Variants in SHANK1 observed in about 807,000 individuals in gnomAD.
SHANK1 encodes the protein SH3 and multiple ankyrin repeat domains protein 1.
A neutral mutation model predicts 165.6 loss-of-function variants in SHANK1; 35 were observed. That is an observed-to-expected ratio of 0.21 (90% CI 0.16 to 0.28). The LOEUF (loss-of-function observed/expected upper bound fraction) is 0.28, where lower values mean the gene tolerates loss of function less well. SHANK1 is among the 10% of genes least tolerant of loss of function. The probability of loss-of-function intolerance (pLI) is 1.00; values close to 1 mark genes in which losing one functional copy is unlikely to be tolerated. For missense variants in SHANK1, 2,681 were observed against 3,036.4 expected, an observed-to-expected ratio of 0.88 and a Z score of 2.75; for synonymous variants, 1,428 against 1,384.8, an observed-to-expected ratio of 1.03 and a Z score of -0.69.
intron 21 of SHANK1, among the ~76,000 whole-genome samples, chr19:50,681,862 C>A (rs1344219760): frequency 1.3e-5 from 2 of 152,084 alleles, no homozygotes; most frequent in Non-Finnish European, 2.9e-5. Flanking sequence ...GCTTTGACCT[C>A]CCTTGCTCGA....
At chr19:50,692,162 G>C (rs551585318) in intron 15 of SHANK1, among the ~76,000 whole-genome samples, 1 of 152,004 alleles carries the variant, frequency 6.6e-6, no homozygotes, top group Non-Finnish European at 1.5e-5. Flanking sequence ...CCATCTGCTC[G>C]GAATCCACCC....
Position 50,661,559 on chromosome 19 carries a change from G to C in SHANK1, c.*406C>G, listed in dbSNP as rs982512757. 1.3e-5 allele frequency among the ~76,000 whole-genome samples: 2 copies of C among 151,866 alleles called. No homozygotes were observed. The highest frequency in any genetic ancestry group is 4.8e-5 in the African/African-American group (2 of 41,312). On this transcript the variant is annotated 3_prime_UTR_variant, in exon 24 of 24. Coordinates refer to ENST00000293441, the MANE Select transcript of SHANK1 (RefSeq NM_016148.5). Reference sequence around the variant, plus strand: ...GAGAGTGGGAAGGGTTGTTAGAGGGGTGGCAGGTGGTGGAATCCGAGGGCA... The same window carrying C: ...GAGAGTGGGAAGGGTTGTTAGAGGGCTGGCAGGTGGTGGAATCCGAGGGCA...
At chr19:50,698,420 T>A (rs1199730993) in intron 12 of SHANK1, among the ~76,000 whole-genome samples, 2 of 152,252 alleles carry the variant, frequency 1.3e-5, no homozygotes, top group East Asian at 3.9e-4. Context: ...CCTGTCTCTG[T>A]CTCTCTCGGC....
chr19:50,688,864 T>C lies in SHANK1; in HGVS notation c.2152A>G (p.Met718Val). 2.5e-6 allele frequency: 4 copies of C among 1,603,128 alleles called. No individual in the cohort carries two copies. Among genetic ancestry groups the C allele is most frequent in the Non-Finnish European group, 3.4e-6 (4 of 1,174,920 alleles). Residue 718 changes from methionine (M) to valine (V), a missense_variant, in exon 17 of 24, where the codon ATG (methionine) becomes GTG (valine). By Grantham distance (21) the Met-to-Val change is conservative. Transcript: ENST00000293441. The surrounding 1 kb of genome is among the most constrained non-coding windows in gnomAD (Gnocchi z 6.7). ...GGVAWRAGLRMGDFLIEVNGQ... is the reference protein window; with the variant it reads ...GGVAWRAGLRVGDFLIEVNGQ... ...CTGACCTCGATGAGGAAGTCTCCCA[T>C]TCGCAGTCCAGCTCGCCATGCCACG...
At position 50,662,655 on chromosome 19, in the gene SHANK1, G is replaced by C. The variant is rs1471217789; in HGVS notation, c.5796C>G (p.Leu1932=). 6.4e-7 allele frequency: 1 copy of C among 1,565,316 alleles called. No individual in the cohort carries two copies. The highest frequency in any genetic ancestry group is 1.9e-5 in the Admixed American group (1 of 52,482). The change falls in exon 24 of 24, where the codon CTC becomes CTG. Residue 1932 remains leucine (L), a synonymous_variant. Transcript: ENST00000293441. The surrounding 1 kb of genome is among the most constrained non-coding windows in gnomAD (Gnocchi z 7.7). ...QRLSDDSQSS[L]LSKPVSSLFQ... is the part of the protein sequence containing the mutation. ...ACAGGCTGCTGACAGGCTTGGAGAG[G>C]AGTGAGGACTGGGAGTCGTCGGAGA...
rs1323252557 is a variant in SHANK1, at chr19:50,668,929, G to C, written c.3031C>G (p.Pro1011Ala). Residue 1011 changes from proline to alanine, a missense_variant, in exon 23 of 24, where the codon CCT (proline) becomes GCT (alanine). Pro to Ala is a conservative substitution (Grantham distance 27). This residue lies in a region of SHANK1 where 1,713 missense variants were observed against 1,630.2 expected (regional missense o/e 1.05). Transcript: ENST00000293441. ...TGGGCGTGGTGGTGGTGGGGCTGAG[G>C]GGGCGGGGCGTGGTGGTGGTGGTGG... ...PHHHHHHAPP[P>A]QPHHHHAHPP... 1 of 675,754 alleles carries C rather than the reference G, an allele frequency of 1.5e-6. No homozygotes were observed. Among genetic ancestry groups the C allele is most frequent in the Non-Finnish European group, 2.3e-6 (1 of 439,106 alleles). The allele number at this position is 675,754 out of a possible 1,614,324, so 41.9% of individuals were successfully genotyped here.
rs765549178 is a variant in SHANK1 at position 50,713,136 on chromosome 19, G to A, written c.792+662C>T. 6.6e-6 allele frequency among the ~76,000 whole-genome samples: 1 copy of A among 152,184 alleles called. No individual in the cohort carries two copies. The highest frequency in any genetic ancestry group is 1.5e-5 in the Non-Finnish European group (1 of 68,020). ...CGTTTAGCTGGAGCAGCTGTGCGTC[G>A]GGGTGCTTCTCAATGGCTGTCTTTG... On this transcript the variant is annotated intron_variant, in intron 6 of 23. Transcript: ENST00000293441. The surrounding 1 kb of genome is among the most constrained non-coding windows in gnomAD (Gnocchi z 6.2).
chr19:50,672,254 G>A (rs1256139653), intron 21 of SHANK1, 140 bp from the exon 22 acceptor site: 19 of 689,474 alleles, frequency 2.8e-5, no homozygotes, highest in South Asian at 2.4e-4. Context: ...GTGTGAAGAC[G>A]GTGGAAGGAG....
rs752181137 is a variant in SHANK1, at chr19:50,662,232, C to G, written c.6219G>C (p.Ser2073=). The G allele has an allele frequency of 8.1e-6, 13 of 1,609,692 alleles. No homozygotes were observed. The highest frequency in any genetic ancestry group is 1.1e-5 in the Non-Finnish European group (13 of 1,177,340). ...GCAGGCGGGTCGGTGAGAGGGAGCG[C>G]GAGGCCCCTGACAAGGCTCCCCCGA... ...GGLGGALSGA[S]RSLSPTRLLS... is the part of the protein sequence containing the mutation. Residue 2073 remains serine (S), a synonymous_variant, in exon 24 of 24, where the codon TCG becomes TCC. Transcript: ENST00000293441. The surrounding 1 kb of genome is among the most constrained non-coding windows in gnomAD (Gnocchi z 7.7).
chr19:50,695,925 C>T (rs1986724146), intron 15 of SHANK1, among the ~76,000 whole-genome samples: 1 of 152,148 alleles, frequency 6.6e-6, no homozygotes, highest in Admixed American at 6.5e-5. Context: ...GGAAGGACCG[C>T]CCAGCTCCGG....
Position 50,708,149 on chromosome 19 carries a change from C to A in SHANK1, c.1077+3222G>T, listed in dbSNP as rs1030719767. On this transcript the variant is annotated intron_variant, in intron 8 of 23. Coordinates refer to ENST00000293441, the MANE Select transcript of SHANK1 (RefSeq NM_016148.5). Reference sequence around the variant, plus strand: ...TTTAGTAGAGACAGGGTTTCACCATCTTGGCCAGACTTGTCTTGAACTCCT... The same window carrying A: ...TTTAGTAGAGACAGGGTTTCACCATATTGGCCAGACTTGTCTTGAACTCCT... 3.3e-5 allele frequency among the ~76,000 whole-genome samples: 5 copies of A among 151,832 alleles called. 1 individual carries two copies. The highest frequency in any genetic ancestry group is 4.8e-5 in the African/African-American group (2 of 41,300).
At chr19:50,710,221 A>ATGG (rs2088991976) in intron 8 of SHANK1, among the ~76,000 whole-genome samples, 1 of 152,158 alleles carries the variant, frequency 6.6e-6, no homozygotes, top group Non-Finnish European at 1.5e-5. Flanking sequence ...TGCCGGCACC[A>ATGG]TGTTGGTTCG....
intron 6 of SHANK1, 37 bp from the exon 7 acceptor site, chr19:50,712,151 A>T: frequency 1.9e-6 from 3 of 1,546,372 alleles, no homozygotes; most frequent in Non-Finnish European, 2.6e-6. Flanking sequence ...AAAAACACAG[A>T]TGACAGTCAC....
rs1156697864 is a variant in SHANK1, at chr19:50,668,282, C to T, written c.3678G>A (p.Leu1226=). The T allele has an allele frequency of 4.5e-6, 6 of 1,336,478 alleles. No homozygotes were observed. Among genetic ancestry groups the T allele is most frequent in the Non-Finnish European group, 5.7e-6 (6 of 1,052,462 alleles). The allele number at this position is 1,336,478 out of a possible 1,614,324, so 82.8% of individuals were successfully genotyped here. A position where few individuals can be genotyped will look rare whatever the true frequency, so the allele number is the denominator to read the frequency against. ...TPASPSGPAT[L]DFTSQFGAAL... is the part of the protein sequence containing the mutation. ...CGGCCCCGAACTGGCTCGTGAAGTC[C>T]AGCGTGGCCGGGCCGCTGGGCGAGG... Residue 1226 remains leucine (L), a synonymous_variant, in exon 23 of 24, where the codon CTG becomes CTA. Coordinates refer to ENST00000293441, the MANE Select transcript of SHANK1 (RefSeq NM_016148.5).
At chr19:50,672,193 C>T in intron 21 of SHANK1, 79 bp from the exon 22 acceptor site, 1 of 1,144,546 alleles carries the variant, frequency 8.7e-7, no homozygotes, top group South Asian at 1.3e-5. Context: ...TGTGGCTTCA[C>T]TATACGGCTG....
chr19:50,695,064 C>T (rs1410230203), intron 15 of SHANK1, among the ~76,000 whole-genome samples: 1 of 146,460 alleles, frequency 6.8e-6, no homozygotes, highest in African/African-American at 2.5e-5. Context: ...CAGCCCCGGC[C>T]CGGGTCCCGG....
intron 23 of SHANK1, among the ~76,000 whole-genome samples, chr19:50,665,192 A>C (rs1403404452): frequency 6.6e-6 from 1 of 152,178 alleles, no homozygotes; most frequent in Non-Finnish European, 1.5e-5. Context: ...TTGGGAGGTC[A>C]AGGCAGGAGG....
Position 50,715,733 on chromosome 19 carries a change from G to GAGGTCAAGGGT in SHANK1, c.460-14_460-4dup. ...TAAACTCGGGTCTTGTATCGGAACT[G>GAGGTCAAGGGT]AGGTCAAGGGTAGGGTAGTGAGAGA... On this transcript the variant is annotated splice_region_variant and splice_polypyrimidine_tract_variant and intron_variant, in intron 3 of 23. Coordinates refer to ENST00000293441, the MANE Select transcript of SHANK1 (RefSeq NM_016148.5). 6.2e-7 allele frequency: 1 copy of GAGGTCAAGGGT among 1,613,742 alleles called. No individual in the cohort carries two copies. The highest frequency in any genetic ancestry group is 8.5e-7 in the Non-Finnish European group (1 of 1,179,680).
In SHANK1 at chr19:50,668,412, G is replaced by T; in HGVS notation, c.3548C>A (p.Thr1183Asn). The change falls in exon 23 of 24, where the codon ACC becomes AAC. Residue 1183 changes from threonine to asparagine, a missense_variant. Coordinates refer to ENST00000293441, the MANE Select transcript of SHANK1 (RefSeq NM_016148.5). ...QGSSTEAEPP[T>N]QPEPTGGGGG... ...GCCGCCTCCCGTGGGCTCCGGCTGG[G>T]TGGGGGGCTCCGCCTCGGTGCTGCT... 1 of 1,325,586 alleles carries T rather than the reference G, an allele frequency of 7.5e-7. No homozygotes were observed. Among genetic ancestry groups the T allele is most frequent in the Non-Finnish European group, 9.7e-7 (1 of 1,036,124 alleles). The allele number at this position is 1,325,586 out of a possible 1,614,324, so 82.1% of individuals were successfully genotyped here.
Sources: allele counts gnomAD v4.1 joint callset (sites outside exome capture counted in the v4.1 genomes callset), GRCh38; gene constraint gnomAD v4.1.1; regional missense constraint gnomAD v4.1.1; non-coding constraint Gnocchi (gnomAD v3.1); transcripts MANE v1.5; gene names NCBI Gene and HGNC (gene_info 2026-07-23, HGNC 2026-07-21).